The following KRT86 variants were observed in gnomAD, a reference collection of about 807,000 sequenced individuals.
KRT86 encodes the protein keratin, type II cuticular Hb6.
In KRT86, 30 loss-of-function variants were observed where a neutral mutation model predicts 41.2. The ratio of observed to expected loss-of-function variants is 0.73; its 90% CI spans 0.54 to 0.99. The LOEUF (loss-of-function observed/expected upper bound fraction) is 0.99. Ranked by LOEUF, KRT86 falls within the 50% of genes least tolerant of loss-of-function variation. The probability of loss-of-function intolerance (pLI) is 0.00; values close to 1 mark genes in which losing one functional copy is unlikely to be tolerated. For synonymous variants in KRT86, 238 were observed against 238.1 expected, an observed-to-expected ratio of 1.00 and a Z score of 0.00; for missense variants, 561 against 571.4, an observed-to-expected ratio of 0.98 and a Z score of 0.19.
chr12:52,283,540 G>T (rs1182882399), intron 2 of KRT86, among the ~76,000 whole-genome samples: 1 of 124,698 alleles, frequency 8.0e-6, no homozygotes, highest in South Asian at 2.9e-4. Flanking sequence ...ATGCAATGGC[G>T]CCATCTTGGC....
At chr12:52,283,921 C>T (rs1937841686) in intron 2 of KRT86, among the ~76,000 whole-genome samples, 1 of 152,162 alleles carries the variant, frequency 6.6e-6, no homozygotes, top group Non-Finnish European at 1.5e-5. Flanking sequence ...CCGCCTTGCT[C>T]CTCTGTCTGA....
chr12:52,294,429 A>C (rs1374776836), intron 2 of KRT86, among the ~76,000 whole-genome samples: 2 of 152,048 alleles, frequency 1.3e-5, no homozygotes, highest in Non-Finnish European at 2.9e-5. Flanking sequence ...AAGACCTAAA[A>C]GGACATTCAA....
At chr12:52,288,391 C>T (rs147285901) in intron 2 of KRT86, 156 of 1,614,060 alleles carry the variant, frequency 9.7e-5, no homozygotes, top group Non-Finnish European at 1.3e-4. Context: ...GGAAGTCGAT[C>T]TCCTGGATCA....
rs778081882 is a variant in KRT86 at position 52,305,018 on chromosome 12, G to A, written c.726G>A (p.Leu242=). The A allele has an allele frequency of 1.2e-6, 2 of 1,613,948 alleles. No individual in the cohort carries two copies. Among genetic ancestry groups the A allele is most frequent in the Non-Finnish European group, 1.7e-6 (2 of 1,179,970 alleles). Residue 242 remains leucine (L), a synonymous_variant, in exon 6 of 11, where the codon CTG becomes CTA. Transcript: ENST00000423955. ...LIQEIDFLRR[L]YEEEIRVLQS... ...AGGAGATCGACTTCCTGAGGCGGCT[G>A]TATGAGGAGGTGCGGGCTCAGGGGC...
At chr12:52,297,759 T>C (rs1231240104) in intron 2 of KRT86, among the ~76,000 whole-genome samples, 1 of 152,234 alleles carries the variant, frequency 6.6e-6, no homozygotes, top group Non-Finnish European at 1.5e-5. Flanking sequence ...GAAGAGATAA[T>C]GCAAGCTCCT....
In KRT86 at chr12:52,287,523, T is replaced by G. The variant is rs529504000; in HGVS notation, c.-5+11577T>G. The G allele has an allele frequency of 4.3e-6, 7 of 1,612,592 alleles. No homozygotes were observed. In the East Asian group the frequency reaches 1.3e-4, roughly 31 times the overall value. On this transcript the variant is annotated intron_variant, in intron 2 of 10. Transcript: ENST00000423955. ...TGGAGAATGAATGCTGAGATCCAGG[T>G]AGGGCACACATAGGCTGTGTGACAA...
chr12:52,287,034 A>G, intron 2 of KRT86: 1 of 1,611,760 alleles, frequency 6.2e-7, no homozygotes, highest in Non-Finnish European at 8.5e-7. Context: ...TTGCTCAGCC[A>G]AGGCCAAGGG....
At chr12:52,278,789 C>T (rs916881389) in intron 2 of KRT86, among the ~76,000 whole-genome samples, 2 of 152,018 alleles carry the variant, frequency 1.3e-5, no homozygotes, top group South Asian at 4.2e-4. Flanking sequence ...CTTGAGAAGG[C>T]AGAAGGGCTG....
intron 2 of KRT86, among the ~76,000 whole-genome samples, chr12:52,298,804 TA>T (rs1466681652): frequency 1.1e-3 from 162 of 152,322 alleles, no homozygotes; most frequent in African/African-American, 3.5e-3. Context: ...TTTATTTATT[TA>T]TTTTAATGTT....
At chr12:52,283,392 C>CAAAAAAAAAAAAAAAAAAAAAAAAAAAA (rs1169224117) in intron 2 of KRT86, among the ~76,000 whole-genome samples, 1 of 39,552 alleles carries the variant, frequency 2.5e-5, no homozygotes. Context: ...AACTGTCTCA[C>CAAAAAAAAAAAAAAAAAAAAAAAAAAAA]AAAAAAAAAA....
intron 2 of KRT86, among the ~76,000 whole-genome samples, chr12:52,301,166 A>G (rs911967814): frequency 2.0e-5 from 3 of 147,426 alleles, no homozygotes; most frequent in African/African-American, 5.3e-5. Flanking sequence ...TGAAAGAGAG[A>G]GGGGGGGTTG....
At chr12:52,301,479 C>G (rs966548770) in intron 2 of KRT86, among the ~76,000 whole-genome samples, 2 of 152,040 alleles carry the variant, frequency 1.3e-5, no homozygotes, top group Non-Finnish European at 2.9e-5. Context: ...ATGAGCACCG[C>G]GGACAGCGGC....
intron 2 of KRT86, among the ~76,000 whole-genome samples, chr12:52,284,320 G>T (rs1228013356): frequency 6.6e-6 from 1 of 152,186 alleles, no homozygotes; most frequent in African/African-American, 2.4e-5. Flanking sequence ...CCCCTAAGTA[G>T]CTGGGACTAT....
rs772546220 is a variant in KRT86, at chr12:52,306,164, G to T, written c.1131G>T (p.Lys377Asn). The T allele has an allele frequency of 1.9e-6, 3 of 1,613,964 alleles. No homozygotes were observed. The highest frequency in any genetic ancestry group is 2.5e-6 in the Non-Finnish European group (3 of 1,180,040). Residue 377 changes from lysine (K) to asparagine (N), a missense_variant, in exon 9 of 11, where the codon AAG (lysine) becomes AAT (asparagine). Coordinates refer to ENST00000423955, the MANE Select transcript of KRT86 (RefSeq NM_001320198.2). ...CCGAGCTGGAGGGTGCCCTGCAGAA[G>T]GCCAAGCAGGACATGGCCTGCCTGA... ...KLAELEGALQ[K>N]AKQDMACLIR...
intron 2 of KRT86, among the ~76,000 whole-genome samples, chr12:52,296,204 T>C (rs1040496803): frequency 1.3e-5 from 2 of 151,400 alleles, no homozygotes; most frequent in Non-Finnish European, 2.9e-5. Context: ...GCTGCATGGG[T>C]GGAGAAGAAA....
At chr12:52,288,437 A>T (rs1239348639) in intron 2 of KRT86, 1 of 1,613,902 alleles carries the variant, frequency 6.2e-7, no homozygotes, top group Non-Finnish European at 8.5e-7. Context: ...TGACTTGCGG[A>T]GGTAGGCGCA....
chr12:52,283,320 G>C (rs1170972672), intron 2 of KRT86, among the ~76,000 whole-genome samples: 1 of 146,262 alleles, frequency 6.8e-6, no homozygotes, highest in Admixed American at 6.9e-5. Flanking sequence ...TTGAACTAGT[G>C]AGGTGGAGGT....
At chr12:52,308,320 C>T (rs1938564334) in intron 10 of KRT86, 56 bp downstream of exon 10, 2 of 1,613,490 alleles carry the variant, frequency 1.2e-6, no homozygotes, top group Non-Finnish European at 1.7e-6. Flanking sequence ...AGCCTCTGGG[C>T]AAAGGGCGCG....
In KRT86 at chr12:52,304,877, A is replaced by G. The variant is rs140207599; in HGVS notation, c.640-55A>G. 13 of 1,569,216 alleles carry G rather than the reference A, an allele frequency of 8.3e-6. No individual in the cohort carries two copies. In the African/African-American group the frequency reaches 1.4e-4, roughly 16 times the overall value. Reference sequence around the variant, plus strand: ...ATGGAATGGGTGGGAAGAGAGAGGAATCTAGAGGCTGGATCACCAGGGTCC... The same window carrying G: ...ATGGAATGGGTGGGAAGAGAGAGGAGTCTAGAGGCTGGATCACCAGGGTCC... On this transcript the variant is annotated intron_variant, in intron 5 of 10. Transcript: ENST00000423955.
Sources: gnomAD v4.1 joint callset for allele counts (sites outside exome capture counted in the v4.1 genomes callset) on GRCh38, gnomAD v4.1.1 for gene constraint, MANE v1.5 for transcripts, NCBI Gene and HGNC (gene_info 2026-07-23, HGNC 2026-07-21) for gene names.